Variants in IMMP2L observed in about 807,000 individuals in gnomAD.
IMMP2L encodes the protein mitochondrial inner membrane protease subunit 2.
A neutral mutation model predicts 19.3 loss-of-function variants in IMMP2L; 18 were observed. That is an observed-to-expected ratio of 0.93 (90% CI 0.64 to 1.38). The LOEUF (loss-of-function observed/expected upper bound fraction) is 1.38. Among genes scored for constraint, IMMP2L ranks in the 40% most tolerant of loss-of-function variants. The pLI, the probability that IMMP2L is intolerant of heterozygous loss-of-function variation, is 0.00. For missense variants in IMMP2L, 233 were observed against 218.2 expected, an observed-to-expected ratio of 1.07 and a Z score of -0.43; for synonymous variants, 76 against 73.0, an observed-to-expected ratio of 1.04 and a Z score of -0.21.
intron 3 of IMMP2L, among the ~76,000 whole-genome samples, chr7:111,389,520 A>C (rs1183329621): frequency 1.3e-5 from 2 of 152,052 alleles, no homozygotes; most frequent in Admixed American, 1.3e-4. Flanking sequence ...TCATGTCTCC[A>C]ATGTACTCTC....
intron 5 of IMMP2L, among the ~76,000 whole-genome samples, chr7:110,695,835 A>G (rs756803566): frequency 6.6e-6 from 1 of 151,856 alleles, no homozygotes; most frequent in Non-Finnish European, 1.5e-5. Flanking sequence ...AAGGAGGCAG[A>G]GCACAGAGAC....
rs549141062 is a variant in IMMP2L, at chr7:110,976,617, G to A, written c.240-13052C>T. Among the ~76,000 whole-genome samples, 65 of 152,082 alleles carry A rather than the reference G, an allele frequency of 4.3e-4. 1 individual carries two copies. Among genetic ancestry groups the A allele is most frequent in the Middle Eastern group, 3.4e-3 (1 of 292 alleles). ...AAAATAAATGTGTCTATAGTCCTCA[G>A]ATCTTAGTTTATAGATCAGTGGTCC... On this transcript the variant is annotated intron_variant, in intron 3 of 5. Coordinates refer to ENST00000405709, the MANE Select transcript of IMMP2L (RefSeq NM_032549.4).
chr7:111,544,259 ATGGGGT>A (rs1848726070), intron 1 of IMMP2L, among the ~76,000 whole-genome samples: 1 of 142,602 alleles, frequency 7.0e-6, no homozygotes, highest in African/African-American at 2.5e-5. Context: ...GGGTGGGGGG[ATGGGGT>A]GGGATAGCAT....
intron 5 of IMMP2L, among the ~76,000 whole-genome samples, chr7:110,814,077 G>A (rs986635220): frequency 1.3e-5 from 2 of 151,904 alleles, no homozygotes; most frequent in African/African-American, 4.8e-5. Context: ...TTGATTGGCA[G>A]GATTGGGCTC....
intron 5 of IMMP2L, among the ~76,000 whole-genome samples, chr7:110,742,881 C>T (rs1797078781): frequency 6.6e-6 from 1 of 152,012 alleles, no homozygotes. Context: ...TATCTCCTTA[C>T]AAACCTTTCT....
intron 3 of IMMP2L, among the ~76,000 whole-genome samples, chr7:110,964,399 A>T (rs1204214773): frequency 1.3e-5 from 2 of 152,072 alleles, no homozygotes; most frequent in Non-Finnish European, 2.9e-5. Flanking sequence ...CATTTCCTTT[A>T]AAAAATAAAG....
intron 5 of IMMP2L, among the ~76,000 whole-genome samples, chr7:110,678,069 A>T (rs1027464634): frequency 2.0e-5 from 3 of 152,108 alleles, no homozygotes; most frequent in African/African-American, 4.8e-5. Context: ...GTAGACAAGA[A>T]CTCTTTCCTT....
At chr7:110,881,555 C>T (rs1232526406) in intron 5 of IMMP2L, among the ~76,000 whole-genome samples, 2 of 152,082 alleles carry the variant, frequency 1.3e-5, no homozygotes, top group Non-Finnish European at 2.9e-5. Context: ...AGTCTAAGCA[C>T]CATTTTTTCA....
At chr7:110,813,469 C>T (rs768582130) in intron 5 of IMMP2L, among the ~76,000 whole-genome samples, 2 of 150,986 alleles carry the variant, frequency 1.3e-5, no homozygotes, top group Non-Finnish European at 3.0e-5. Context: ...GCTCTGTCAG[C>T]CAGGCTACAG....
At chr7:111,153,095 T>C (rs1804253792) in intron 3 of IMMP2L, among the ~76,000 whole-genome samples, 1 of 152,236 alleles carries the variant, frequency 6.6e-6, no homozygotes, top group East Asian at 1.9e-4. Context: ...AAAGGAAGCA[T>C]ATATCTCTAA....
intron 5 of IMMP2L, among the ~76,000 whole-genome samples, chr7:110,664,470 A>C (rs10262834): frequency 0.93 from 140,867 of 152,078 alleles, 65,589 homozygotes; most frequent in Non-Finnish European, 0.97. Context: ...TCAGCAGAGG[A>C]GAGCAGAGAT....
chr7:111,285,743 G>C (rs37754), intron 3 of IMMP2L, among the ~76,000 whole-genome samples: 2 of 151,850 alleles, frequency 1.3e-5, no homozygotes, highest in Admixed American at 1.3e-4. Context: ...CCAACTGTAA[G>C]TCAATTTCCT....
chr7:111,124,751 G>A (rs1261066447), intron 3 of IMMP2L: 1 of 1,613,760 alleles, frequency 6.2e-7, no homozygotes, highest in African/African-American at 1.3e-5. Context: ...GGTGGACACA[G>A]CTATGTGAGG....
At chr7:111,014,793 A>T (rs1176137160) in intron 3 of IMMP2L, among the ~76,000 whole-genome samples, 1 of 152,208 alleles carries the variant, frequency 6.6e-6, no homozygotes, top group Admixed American at 6.5e-5. Flanking sequence ...CAAATATGAC[A>T]TACAAATGGC....
At chr7:110,800,188 T>C (rs1407085698) in intron 5 of IMMP2L, among the ~76,000 whole-genome samples, 1 of 152,006 alleles carries the variant, frequency 6.6e-6, no homozygotes, top group African/African-American at 2.4e-5. Context: ...ACAAAATATT[T>C]AACTAATAGA....
At chr7:111,444,926 G>A (rs936056588) in intron 3 of IMMP2L, among the ~76,000 whole-genome samples, 1 of 152,022 alleles carries the variant, frequency 6.6e-6, no homozygotes, top group African/African-American at 2.4e-5. Flanking sequence ...AGTGATACAT[G>A]AAATACTTTA....
At chr7:110,695,134 A>T (rs1339379040) in intron 5 of IMMP2L, among the ~76,000 whole-genome samples, 2 of 152,162 alleles carry the variant, frequency 1.3e-5, no homozygotes, top group Non-Finnish European at 2.9e-5. Context: ...TTGGAAGTAG[A>T]CATAGTGGTT....
At chr7:110,703,933 C>T (rs1351416921) in intron 5 of IMMP2L, among the ~76,000 whole-genome samples, 1 of 151,790 alleles carries the variant, frequency 6.6e-6, no homozygotes, top group Non-Finnish European at 1.5e-5. Flanking sequence ...GCAAGCTCCA[C>T]CTCCCGGGTT....
chr7:111,560,910 T>A (rs971408138), intron 1 of IMMP2L, among the ~76,000 whole-genome samples: 1 of 152,234 alleles, frequency 6.6e-6, no homozygotes, highest in African/African-American at 2.4e-5. Flanking sequence ...AGGCAGCCAG[T>A]ATCAGAATAG....
Sources: gnomAD v4.1 joint callset for allele counts (sites outside exome capture counted in the v4.1 genomes callset) on GRCh38, gnomAD v4.1.1 for gene constraint, MANE v1.5 for transcripts, NCBI Gene and HGNC (gene_info 2026-07-23, HGNC 2026-07-21) for gene names.